RGS5: variants seen among roughly 807,000 people sequenced by gnomAD.
RGS5 encodes the protein regulator of G protein signaling 5.
RGS5 carries 20 observed loss-of-function variants against 18.9 expected under a neutral mutation model. The observed-to-expected ratio is 1.06, with a 90% CI of 0.74 to 1.54. The LOEUF (loss-of-function observed/expected upper bound fraction) is 1.54. RGS5 is among the 40% of genes most tolerant of loss of function. The probability of loss-of-function intolerance (pLI) is 0.00; values close to 1 mark genes in which losing one functional copy is unlikely to be tolerated. For synonymous variants in RGS5, 57 were observed against 76.2 expected, an observed-to-expected ratio of 0.75 and a Z score of 1.31; for missense variants, 201 against 211.8, an observed-to-expected ratio of 0.95 and a Z score of 0.32.
rs1050685329 is a variant in RGS5 at position 163,146,421 on chromosome 1, T to C, written c.*921A>G. The C allele has an allele frequency of 6.6e-6, 1 of 152,176 alleles. No homozygotes were observed. The highest frequency in any genetic ancestry group is 2.4e-5 in the African/African-American group (1 of 41,456). 9.4% of individuals were successfully genotyped at this position (152,176 alleles called of 1,614,324 possible). A position where few individuals can be genotyped will look rare whatever the true frequency, so the allele number is the denominator to read the frequency against. The stretch of plus-strand genomic sequence containing the variant: ...ATTTTAGACTTGACCATATTTTCTC[T>C]TTTTAGCATATAGCCATCTTGATAT... On this transcript the variant is annotated 3_prime_UTR_variant, in exon 5 of 5. Coordinates refer to ENST00000313961, the MANE Select transcript of RGS5 (RefSeq NM_003617.4).
intron 1 of RGS5, among the ~76,000 whole-genome samples, chr1:163,184,634 T>C (rs1658995402): frequency 6.6e-6 from 1 of 152,056 alleles, no homozygotes; most frequent in Admixed American, 6.6e-5. Flanking sequence ...GTTGGCCCAA[T>C]ATAATTACAA....
intron 2 of RGS5, among the ~76,000 whole-genome samples, chr1:163,234,837 C>T (rs369615709): frequency 1.3e-5 from 2 of 152,290 alleles, no homozygotes; most frequent in East Asian, 3.9e-4. Context: ...AAGATGGTTC[C>T]ACTCCCAAGT....
rs1182168593 is a variant in RGS5 at position 163,144,542 on chromosome 1, G to C, written c.*2800C>G. 3.4e-4 allele frequency: 52 copies of C among 152,472 alleles called. 1 individual carries two copies. In the Admixed American group the frequency reaches 3.4e-3, roughly 10 times the overall value. 9.4% of individuals were successfully genotyped at this position (152,472 alleles called of 1,614,324 possible). ...CATCCTCAATTCACTCCCAACAGTAGTTACGTTTTCACAGGGGAGGAAAAC... is the reference window on the plus strand; with the variant it reads ...CATCCTCAATTCACTCCCAACAGTACTTACGTTTTCACAGGGGAGGAAAAC... On this transcript the variant is annotated 3_prime_UTR_variant, in exon 5 of 5. Coordinates refer to ENST00000313961, the MANE Select transcript of RGS5 (RefSeq NM_003617.4).
intron 2 of RGS5, among the ~76,000 whole-genome samples, chr1:163,303,315 A>C (rs547182347): frequency 2.0e-5 from 3 of 152,330 alleles, no homozygotes; most frequent in Admixed American, 2.0e-4. Flanking sequence ...TCAAATCTGC[A>C]ACTACGGTAT....
chr1:163,142,865 C>T lies in RGS5; in HGVS notation c.*4477G>A, dbSNP rs569528685. ...GAGAGAACAAGTAACTTGCAAGAGG[C>T]TTATTAAACTGTATATAAATGTTGA... On this transcript the variant is annotated 3_prime_UTR_variant, in exon 5 of 5. Coordinates refer to ENST00000313961, the MANE Select transcript of RGS5 (RefSeq NM_003617.4). 2 of 152,160 alleles carry T rather than the reference C, an allele frequency of 1.3e-5. No homozygotes were observed. Among genetic ancestry groups the T allele is most frequent in the South Asian group, 4.2e-4 (2 of 4,816 alleles). 9.4% of individuals were successfully genotyped at this position (152,160 alleles called of 1,614,324 possible). A position where few individuals can be genotyped will look rare whatever the true frequency, so the allele number is the denominator to read the frequency against.
At chr1:163,307,205 C>T (rs1649725479) in intron 1 of RGS5, among the ~76,000 whole-genome samples, 1 of 152,174 alleles carries the variant, frequency 6.6e-6, no homozygotes, top group Non-Finnish European at 1.5e-5. Flanking sequence ...GCTGCTATCT[C>T]TCTCTACCAC....
chr1:163,226,647 C>T (rs6698367), intron 2 of RGS5, among the ~76,000 whole-genome samples: 64,775 of 152,020 alleles, frequency 0.43, 14,076 homozygotes, highest in Non-Finnish European at 0.47. Flanking sequence ...CTTGACTTTG[C>T]TCAAAAAGCA....
intron 3 of RGS5, among the ~76,000 whole-genome samples, chr1:163,154,068 T>C (rs1657489225): frequency 6.6e-6 from 1 of 152,208 alleles, no homozygotes. Flanking sequence ...CAGTTTTCTC[T>C]AATTTGCCCC....
At chr1:163,226,559 TA>T (rs958479204) in intron 2 of RGS5, among the ~76,000 whole-genome samples, 3 of 152,178 alleles carry the variant, frequency 2.0e-5, no homozygotes, top group African/African-American at 4.8e-5. Flanking sequence ...ACCTGTTCCA[TA>T]AATCTATTGT....
chr1:163,237,691 G>GA (rs111744299), intron 2 of RGS5: 25,447 of 150,366 alleles, frequency 0.17, 3,342 homozygotes, highest in African/African-American at 0.38. Flanking sequence ...AAAGAAGAAG[G>GA]AAAAAAAAAG....
chr1:163,214,597 T>A (rs1386607633), intron 1 of RGS5, among the ~76,000 whole-genome samples: 1 of 152,154 alleles, frequency 6.6e-6, no homozygotes, highest in Non-Finnish European at 1.5e-5. Context: ...GAACCTAGCC[T>A]TAATCTCACC....
At chr1:163,201,021 C>T (rs1356509420) in intron 1 of RGS5, among the ~76,000 whole-genome samples, 5 of 152,122 alleles carry the variant, frequency 3.3e-5, no homozygotes, top group African/African-American at 1.2e-4. Context: ...AAATTTTCAA[C>T]AGAAATTTTA....
intron 2 of RGS5, among the ~76,000 whole-genome samples, chr1:163,231,577 A>G (rs1414905021): frequency 1.3e-5 from 2 of 152,174 alleles, no homozygotes; most frequent in African/African-American, 4.8e-5. Flanking sequence ...TTTTTAGTCC[A>G]GTGGTATGCA....
chr1:163,151,344 G>C (rs1328519981), intron 4 of RGS5, among the ~76,000 whole-genome samples: 1 of 151,594 alleles, frequency 6.6e-6, no homozygotes, highest in Non-Finnish European at 1.5e-5. Flanking sequence ...AGAGTAGAAA[G>C]GACAAAAAAA....
At chr1:163,172,655 G>A (rs2102406220) in intron 1 of RGS5, 3 of 1,540,466 alleles carry the variant, frequency 1.9e-6, no homozygotes, top group Non-Finnish European at 2.6e-6. Flanking sequence ...TATGGCTTCA[G>A]TTTCTGGCTT....
intron 1 of RGS5, chr1:163,319,376 A>C (rs770344286): frequency 1.2e-4 from 18 of 152,256 alleles, no homozygotes; most frequent in Non-Finnish European, 1.9e-4. Context: ...TGTGCTTGAA[A>C]CACACCTTTA....
intron 1 of RGS5, among the ~76,000 whole-genome samples, chr1:163,192,242 TGG>T (rs559486658): frequency 3.9e-5 from 6 of 152,080 alleles, no homozygotes; most frequent in African/African-American, 1.4e-4. Context: ...GCATCTGAAG[TGG>T]GGGGCAGTCT....
At chr1:163,303,716 AC>A in intron 2 of RGS5, among the ~76,000 whole-genome samples, 1 of 152,282 alleles carries the variant, frequency 6.6e-6, no homozygotes, top group East Asian at 1.9e-4. Context: ...CCTGTTAGGA[AC>A]CAGGCCACAC....
chr1:163,189,199 A>G (rs6427725), intron 1 of RGS5, among the ~76,000 whole-genome samples: 31,739 of 152,038 alleles, frequency 0.21, 3,744 homozygotes, highest in African/African-American at 0.32. Context: ...GGCACTCCAT[A>G]TAATCTTACC....
Sources: allele counts gnomAD v4.1 joint callset (sites outside exome capture counted in the v4.1 genomes callset), GRCh38; gene constraint gnomAD v4.1.1; transcripts MANE v1.5; gene names NCBI Gene and HGNC (gene_info 2026-07-23, HGNC 2026-07-21).